Variants in ITSN2 observed in about 807,000 individuals in gnomAD.
ITSN2 encodes intersectin-2.
Under a neutral mutation model 243.7 loss-of-function variants are expected in ITSN2, and 156 were observed. The observed-to-expected ratio is 0.64, with a 90% CI of 0.56 to 0.73. The LOEUF (loss-of-function observed/expected upper bound fraction) is 0.73, where lower values mean the gene tolerates loss of function less well. ITSN2 is among the 30% of genes least tolerant of loss of function. The probability of loss-of-function intolerance (pLI) is 0.00; values close to 1 mark genes in which losing one functional copy is unlikely to be tolerated. For synonymous variants in ITSN2, 703 were observed against 699.9 expected, an observed-to-expected ratio of 1.00 and a Z score of -0.07; for missense variants, 1,801 against 1,996.1, an observed-to-expected ratio of 0.90 and a Z score of 1.86.
Position 24,303,790 on chromosome 2 carries a change from C to A in ITSN2, c.857+9G>T. ...AAATTAATCAAATGTAATTAAGGGACAAACTTACCAAATAGTAGCCAGCTG... is the reference window on the plus strand; with the variant it reads ...AAATTAATCAAATGTAATTAAGGGAAAAACTTACCAAATAGTAGCCAGCTG... On this transcript the variant is annotated intron_variant, in intron 9 of 39. Transcript: ENST00000355123. The A allele has an allele frequency of 2.6e-6, 4 of 1,561,844 alleles. No individual in the cohort carries two copies. Among genetic ancestry groups the A allele is most frequent in the Non-Finnish European group, 3.5e-6 (4 of 1,132,712 alleles).
chr2:24,317,948 T>C (rs1574292268), intron 2 of ITSN2, among the ~76,000 whole-genome samples: 1 of 152,208 alleles, frequency 6.6e-6, no homozygotes, highest in Admixed American at 6.5e-5. Flanking sequence ...ATTTTTTTGT[T>C]TTTCACATAG....
At chr2:24,334,456 G>A in intron 1 of ITSN2, 1 of 593,226 alleles carries the variant, frequency 1.7e-6, no homozygotes, top group Non-Finnish European at 3.2e-6. Context: ...TTGTTAAGAA[G>A]CACAGTTACA....
At chr2:24,221,341 A>G (rs1454039355) in intron 29 of ITSN2, 1 of 355,254 alleles carries the variant, frequency 2.8e-6, no homozygotes, top group East Asian at 7.0e-5. Flanking sequence ...GCGTGTGAAG[A>G]ATCTCACCAC....
In ITSN2 at chr2:24,204,641, C is replaced by G; in HGVS notation, c.4763-223G>C. Reference sequence around the variant, plus strand: ...ACTGGGGAGTGGCCGAGAGCTCCACCGCCAGGACCACTCCGCACGGAACAA... The same window carrying G: ...ACTGGGGAGTGGCCGAGAGCTCCACGGCCAGGACCACTCCGCACGGAACAA... On this transcript the variant is annotated intron_variant, in intron 38 of 39. Coordinates refer to ENST00000355123, the MANE Select transcript of ITSN2 (RefSeq NM_006277.3). This position sits in a 1 kb window ranked among gnomAD's most constrained non-coding sequence, Gnocchi z 5.1. The G allele has an allele frequency of 1.6e-6, 1 of 641,754 alleles. No individual in the cohort carries two copies. Among genetic ancestry groups the G allele is most frequent in the Non-Finnish European group, 2.9e-6 (1 of 346,402 alleles). 39.8% of individuals were successfully genotyped at this position (641,754 alleles called of 1,614,324 possible).
chr2:24,293,600 C>CT, intron 15 of ITSN2, 88 bp downstream of exon 15: 4 of 543,540 alleles, frequency 7.4e-6, no homozygotes, highest in Non-Finnish European at 1.3e-5. Context: ...TAACAGAATA[C>CT]TTTTTTTAAT....
At chr2:24,314,872 A>T (rs1683717214) in intron 3 of ITSN2, among the ~76,000 whole-genome samples, 2 of 152,242 alleles carry the variant, frequency 1.3e-5, no homozygotes, top group Non-Finnish European at 2.9e-5. Context: ...TAATGTTAAA[A>T]TGTGAAACCA....
At chr2:24,313,659 AAC>A (rs930625791) in intron 3 of ITSN2, 136 bp from the exon 4 acceptor site, 19 of 557,690 alleles carry the variant, frequency 3.4e-5, no homozygotes, top group African/African-American at 3.1e-4. Flanking sequence ...GTGAAATAGA[AAC>A]ACATAAAAAT....
rs955037606 is a variant in ITSN2 at position 24,225,623 on chromosome 2, T to TC, written c.3578-4558dup. Among the ~76,000 whole-genome samples the TC allele has an allele frequency of 1.3e-5, 2 of 151,658 alleles. No homozygotes were observed. Among genetic ancestry groups the TC allele is most frequent in the African/African-American group, 4.8e-5 (2 of 41,246 alleles). ...TCTTGCCTGCTGCCTGGCTCTCTGC[T>TC]CCCCCCAGTCCAGCAAATGCCAAAA... On this transcript the variant is annotated intron_variant, in intron 29 of 39. Coordinates refer to ENST00000355123, the MANE Select transcript of ITSN2 (RefSeq NM_006277.3). The surrounding 1 kb of genome is among the most constrained non-coding windows in gnomAD (Gnocchi z 4.2).
chr2:24,359,309 T>G (rs1688734372), intron 1 of ITSN2, among the ~76,000 whole-genome samples: 1 of 152,292 alleles, frequency 6.6e-6, no homozygotes, highest in African/African-American at 2.4e-5. Flanking sequence ...CTGAGCTCAC[T>G]AACAACGTAA....
At chr2:24,328,210 G>T in intron 1 of ITSN2, 95 bp from the exon 2 acceptor site, 2 of 801,550 alleles carry the variant, frequency 2.5e-6, no homozygotes, top group Non-Finnish European at 4.1e-6. Context: ...GTCCCCTTCA[G>T]CTCACACTTC....
chr2:24,301,521 C>T (rs971294707), intron 10 of ITSN2, among the ~76,000 whole-genome samples: 2 of 151,354 alleles, frequency 1.3e-5, no homozygotes, highest in African/African-American at 4.9e-5. Context: ...AAAACACATC[C>T]ACTTCTTTTT....
At chr2:24,214,990 A>G (rs187398128) in intron 32 of ITSN2, among the ~76,000 whole-genome samples, 13 of 152,370 alleles carry the variant, frequency 8.5e-5, no homozygotes, top group East Asian at 1.9e-4. Flanking sequence ...GTATAATAAT[A>G]GTTTCTACTA....
At chr2:24,265,908 C>T (rs1676601584) in intron 20 of ITSN2, among the ~76,000 whole-genome samples, 1 of 152,176 alleles carries the variant, frequency 6.6e-6, no homozygotes, top group Non-Finnish European at 1.5e-5. Flanking sequence ...AACCACATTT[C>T]AGTCTTAGCC....
intron 29 of ITSN2, among the ~76,000 whole-genome samples, chr2:24,245,394 A>C (rs2151283101): frequency 6.6e-6 from 1 of 152,348 alleles, no homozygotes; most frequent in African/African-American, 2.4e-5. Context: ...ACAGCGAGAA[A>C]TAAATGAGAA....
Position 24,272,009 on chromosome 2 carries a change from A to G in ITSN2, c.2082-68T>C, listed in dbSNP as rs377319402. ...TTTTTACACTAAATAAAAACATACTAAGATCTGGTTCCTGTCAAGGTGAAG... is the reference window on the plus strand; with the variant it reads ...TTTTTACACTAAATAAAAACATACTGAGATCTGGTTCCTGTCAAGGTGAAG... On this transcript the variant is annotated intron_variant, in intron 18 of 39. Transcript: ENST00000355123. 4 of 1,262,260 alleles carry G rather than the reference A, an allele frequency of 3.2e-6. No homozygotes were observed. In the African/African-American group the frequency reaches 4.6e-5, roughly 14 times the overall value. 78.2% of individuals were successfully genotyped at this position (1,262,260 alleles called of 1,614,324 possible).
intron 1 of ITSN2, among the ~76,000 whole-genome samples, chr2:24,347,981 T>G (rs531001482): frequency 6.6e-6 from 1 of 152,046 alleles, no homozygotes; most frequent in South Asian, 2.1e-4. Flanking sequence ...GAAACTGAGG[T>G]GGGAGGATCA....
intron 1 of ITSN2, among the ~76,000 whole-genome samples, chr2:24,347,728 T>G (rs1016776091): frequency 2.7e-3 from 2 of 730 alleles, no homozygotes; most frequent in Admixed American, 0.019. Flanking sequence ...TTGGGTTTTC[T>G]TTTTTTTTTA....
chr2:24,244,845 C>CGA (rs1320512686), intron 29 of ITSN2, among the ~76,000 whole-genome samples: 2 of 152,170 alleles, frequency 1.3e-5, no homozygotes, highest in African/African-American at 2.4e-5. Context: ...GGGAAGGTTT[C>CGA]TCCCAGGGTC....
chr2:24,321,697 A>G (rs758274475), intron 2 of ITSN2: 8 of 152,194 alleles, frequency 5.3e-5, no homozygotes, highest in Non-Finnish European at 7.4e-5. Context: ...TAGGAAGGCA[A>G]GTAGTATAGC....
Sources: allele counts gnomAD v4.1 joint callset (sites outside exome capture counted in the v4.1 genomes callset), GRCh38; gene constraint gnomAD v4.1.1; non-coding constraint Gnocchi (gnomAD v3.1); transcripts MANE v1.5; gene names NCBI Gene and HGNC (gene_info 2026-07-23, HGNC 2026-07-21).